Variants in MYO1E observed in about 807,000 individuals in gnomAD.
MYO1E encodes the protein myosin IE, also known as unconventional myosin-Ie.
A neutral mutation model predicts 151.1 loss-of-function variants in MYO1E; 68 were observed. That is an observed-to-expected ratio of 0.45 (90% CI 0.37 to 0.55). MYO1E has a LOEUF of 0.55. MYO1E is among the 20% of genes least tolerant of loss of function. MYO1E has a pLI of 0.00. For missense variants in MYO1E, 1,363 were observed against 1,389.3 expected (o/e 0.98, Z 0.30); for synonymous variants, 601 against 501.7 (o/e 1.20, Z -2.64).
chr15:59,266,771 C>T (rs1428962462), intron 2 of MYO1E: 2 of 149,514 alleles, frequency 1.3e-5, no homozygotes, highest in Non-Finnish European at 3.0e-5. Context: ...ACACCATTCT[C>T]CTGCCTCAGC....
Position 59,134,552 on chromosome 15 carries a change from C to T in MYO1E, c.*2828G>A, listed in dbSNP as rs1476070732. The T allele has an allele frequency of 6.6e-6, 1 of 152,214 alleles. No homozygotes were observed. The highest frequency in any genetic ancestry group is 1.9e-4 in the East Asian group (1 of 5,198). 9.4% of individuals were successfully genotyped at this position (152,214 alleles called of 1,614,324 possible). The stretch of plus-strand genomic sequence containing the variant: ...GAGTGGATACCACCCTTATACAGAC[C>T]TCTGTCTCTCTCTCTTCTACAACTA... On this transcript the variant is annotated 3_prime_UTR_variant, in exon 28 of 28. Transcript: ENST00000288235.
chr15:59,151,889 T>TAC (rs34550013), intron 26 of MYO1E, among the ~76,000 whole-genome samples: 21,962 of 147,154 alleles, frequency 0.15, 1,573 homozygotes, highest in East Asian at 0.24. Flanking sequence ...TCTACAAAAA[T>TAC]ACACACACAC....
At chr15:59,311,519 G>C (rs1192900303) in intron 1 of MYO1E, among the ~76,000 whole-genome samples, 1 of 152,158 alleles carries the variant, frequency 6.6e-6, no homozygotes, top group Non-Finnish European at 1.5e-5. Flanking sequence ...AAGACCAGAA[G>C]TTTGGGCAGT....
chr15:59,219,988 T>C lies in MYO1E; in HGVS notation c.911-1901A>G, dbSNP rs115925213. ...GTGCACAGAGTAAGGACAGATGACATTCATAAATCAGACTGGACCCATGTC... is the reference window on the plus strand; with the variant it reads ...GTGCACAGAGTAAGGACAGATGACACTCATAAATCAGACTGGACCCATGTC... On this transcript the variant is annotated intron_variant, in intron 9 of 27. Transcript: ENST00000288235. Among the ~76,000 whole-genome samples, 952 of 152,312 alleles carry C rather than the reference T, an allele frequency of 6.3e-3. 14 individuals carry two copies. Among genetic ancestry groups the C allele is most frequent in the African/African-American group, 0.022 (897 of 41,584 alleles).
chr15:59,281,465 G>A (rs757908379), intron 1 of MYO1E, among the ~76,000 whole-genome samples: 23 of 151,754 alleles, frequency 1.5e-4, no homozygotes, highest in Non-Finnish European at 3.2e-4. Flanking sequence ...TAGTAGAGAC[G>A]GGTTTTCACT....
At position 59,200,821 on chromosome 15, in the gene MYO1E, G is replaced by T. The variant is rs190821663; in HGVS notation, c.1698+1505C>A. Reference sequence around the variant, plus strand: ...AGATAGACACTAATATCTTAAGATAGACTCTTAAGATAGACTCCATTTTAC... The same window carrying T: ...AGATAGACACTAATATCTTAAGATATACTCTTAAGATAGACTCCATTTTAC... On this transcript the variant is annotated intron_variant, in intron 16 of 27. Coordinates refer to ENST00000288235, the MANE Select transcript of MYO1E (RefSeq NM_004998.4). Among the ~76,000 whole-genome samples, 230 of 149,304 alleles carry T rather than the reference G, an allele frequency of 1.5e-3. 3 individuals carry two copies. The highest frequency in any genetic ancestry group is 0.011 in the Admixed American group (167 of 15,224).
chr15:59,285,579 C>T (rs181929284), intron 1 of MYO1E, among the ~76,000 whole-genome samples: 45 of 151,988 alleles, frequency 3.0e-4, no homozygotes, highest in Admixed American at 2.4e-3. Context: ...GAACTCCTGA[C>T]GTCAAGTGAT....
intron 4 of MYO1E, among the ~76,000 whole-genome samples, chr15:59,240,385 T>TG (rs34648322): frequency 0.027 from 4,092 of 151,896 alleles, 134 homozygotes; most frequent in African/African-American, 0.068. Context: ...TGTCTGTGTG[T>TG]GGGGGGGGTC....
chr15:59,236,551 C>T (rs765943754), intron 5 of MYO1E, 34 bp downstream of exon 5: 3 of 1,536,798 alleles, frequency 2.0e-6, no homozygotes, highest in Non-Finnish European at 2.7e-6. Context: ...TTTCCCATAA[C>T]ATAAGGTATC....
chr15:59,313,302 C>G lies in MYO1E; in HGVS notation c.4-40853G>C, dbSNP rs369360676. ...CCAACACACACACAGACCAAATCAG[C>G]CACCTGACTGCCAGGAAGCAACTGT... On this transcript the variant is annotated intron_variant, in intron 1 of 27. Coordinates refer to ENST00000288235, the MANE Select transcript of MYO1E (RefSeq NM_004998.4). Among the ~76,000 whole-genome samples the G allele has an allele frequency of 2.4e-4, 37 of 152,280 alleles. No individual in the cohort carries two copies. The South Asian group carries it at 7.3e-3, about 30-fold the overall frequency.
intron 20 of MYO1E, 74 bp from the exon 21 acceptor site, chr15:59,173,989 A>C: frequency 6.4e-7 from 1 of 1,551,710 alleles, no homozygotes; most frequent in Non-Finnish European, 8.9e-7. Flanking sequence ...CTGTGGAAAT[A>C]TACAAAGAAA....
intron 1 of MYO1E, among the ~76,000 whole-genome samples, chr15:59,284,253 C>T (rs373716827): frequency 6.6e-6 from 1 of 152,172 alleles, no homozygotes; most frequent in African/African-American, 2.4e-5. Flanking sequence ...CAGCAGCTAT[C>T]GTGGGGCAAA....
At chr15:59,367,283 G>A (rs751119055) in intron 1 of MYO1E, among the ~76,000 whole-genome samples, 2 of 152,156 alleles carry the variant, frequency 1.3e-5, no homozygotes, top group Non-Finnish European at 1.5e-5. Flanking sequence ...GCAAAATGTT[G>A]TATTCTAAGT....
chr15:59,235,478 G>A (rs1420430714), intron 5 of MYO1E, among the ~76,000 whole-genome samples: 3 of 152,206 alleles, frequency 2.0e-5, no homozygotes, highest in Non-Finnish European at 4.4e-5. Flanking sequence ...ACATCTTGGA[G>A]ACCATTCTCT....
At chr15:59,242,577 A>C (rs2080106459) in intron 4 of MYO1E, among the ~76,000 whole-genome samples, 1 of 152,232 alleles carries the variant, frequency 6.6e-6, no homozygotes, top group Non-Finnish European at 1.5e-5. Context: ...TGTGGAAGGA[A>C]TGATGGAAAC....
At chr15:59,343,040 C>T (rs1414803568) in intron 1 of MYO1E, among the ~76,000 whole-genome samples, 1 of 152,134 alleles carries the variant, frequency 6.6e-6, no homozygotes, top group Non-Finnish European at 1.5e-5. Flanking sequence ...GTATAGTTTA[C>T]ACACTACTAT....
In MYO1E at chr15:59,202,329, T is replaced by C. The variant is rs1331025997; in HGVS notation, c.1695A>G (p.Ile565Met). 1 of 1,613,720 alleles carries C rather than the reference T, an allele frequency of 6.2e-7. No individual in the cohort carries two copies. Among genetic ancestry groups the C allele is most frequent in the Non-Finnish European group, 8.5e-7 (1 of 1,179,608 alleles). The stretch of plus-strand genomic sequence containing the variant: ...AACTTCCTAAAATAGAACTAACCTT[T>C]ATTTTGCTTCCGGCAGTAGTTGGGC... Reference protein sequence around the residue: ...KGRPTTAGSKIKKQANDLVST... With the variant: ...KGRPTTAGSKMKKQANDLVST... Residue 565 changes from isoleucine (I) to methionine (M), a missense_variant, in exon 16 of 28, where the codon ATA becomes ATG. Transcript: ENST00000288235.
chr15:59,195,424 A>C (rs1156691287), intron 17 of MYO1E, 37 bp downstream of exon 17: 2 of 1,543,360 alleles, frequency 1.3e-6, no homozygotes, highest in African/African-American at 2.7e-5. Context: ...AGAGGGAAAA[A>C]GGTCCCGGCC....
intron 19 of MYO1E, among the ~76,000 whole-genome samples, chr15:59,175,662 G>C (rs185360814): frequency 2.0e-5 from 3 of 152,216 alleles, no homozygotes; most frequent in Non-Finnish European, 4.4e-5. Context: ...GTTGCCTGTT[G>C]TAAGAATATC....
Sources: gnomAD v4.1 joint callset for allele counts (sites outside exome capture counted in the v4.1 genomes callset) on GRCh38, gnomAD v4.1.1 for gene constraint, MANE v1.5 for transcripts, NCBI Gene and HGNC (gene_info 2026-07-23, HGNC 2026-07-21) for gene names.